The following SETBP1 variants were observed in gnomAD, a reference collection of about 807,000 sequenced individuals.
The protein encoded by SETBP1 is SET-binding protein.
In SETBP1, 9 loss-of-function variants were observed where a neutral mutation model predicts 101.0. That is an observed-to-expected ratio of 0.09 (90% CI 0.05 to 0.16). The LOEUF (loss-of-function observed/expected upper bound fraction) is 0.16, where lower values mean the gene tolerates loss of function less well. Ranked by LOEUF, SETBP1 falls within the 10% of genes least tolerant of loss-of-function variation. The pLI is 1.00. For synonymous variants in SETBP1, 818 were observed against 788.5 expected, an observed-to-expected ratio of 1.04 and a Z score of -0.63; for missense variants, 1,858 against 2,033.8, an observed-to-expected ratio of 0.91 and a Z score of 1.66.
intron 2 of SETBP1, among the ~76,000 whole-genome samples, chr18:44,783,966 C>G (rs987166656): frequency 1.3e-5 from 2 of 152,188 alleles, no homozygotes; most frequent in East Asian, 1.9e-4. Context: ...AAGTGGGAAG[C>G]CTTGCTTCCA....
chr18:45,055,586 A>G, intron 5 of SETBP1, among the ~76,000 whole-genome samples: 1 of 152,166 alleles, frequency 6.6e-6, no homozygotes, highest in East Asian at 1.9e-4. Context: ...TGTGATAAGT[A>G]ATTTAAAGTT....
chr18:44,807,954 G>A (rs2071782566), intron 2 of SETBP1, among the ~76,000 whole-genome samples: 1 of 152,164 alleles, frequency 6.6e-6, no homozygotes, highest in Non-Finnish European at 1.5e-5. Flanking sequence ...TTTACCCTCA[G>A]GGTCAACAAA....
chr18:44,894,096 A>G (rs915425451), intron 3 of SETBP1, among the ~76,000 whole-genome samples: 3 of 152,164 alleles, frequency 2.0e-5, no homozygotes, highest in Non-Finnish European at 4.4e-5. Context: ...GGCTGAAATA[A>G]AAAACAAAAA....
chr18:44,731,691 A>T (rs1415833419), intron 2 of SETBP1, among the ~76,000 whole-genome samples: 1 of 152,068 alleles, frequency 6.6e-6, no homozygotes, highest in African/African-American at 2.4e-5. Flanking sequence ...TATATGCTCC[A>T]TAACCTGAAG....
Position 44,951,893 on chromosome 18 carries a change from C to A in SETBP1, c.2553C>A (p.Ile851=). 1 of 1,614,076 alleles carries A rather than the reference C, an allele frequency of 6.2e-7. No homozygotes were observed. The change falls in exon 4 of 6, where the codon ATC becomes ATA. Residue 851 remains isoleucine, a synonymous_variant. Transcript: ENST00000649279. This position sits in a 1 kb window ranked among gnomAD's most constrained non-coding sequence, Gnocchi z 7.8. ...HLCEIGSLKE[I]TLSPVSESHS... ...GCGAGATTGGCTCCCTAAAGGAAAT[C>A]ACGCTGTCCCCTGTGAGCGAGTCCC...
At chr18:44,739,859 C>T (rs2070058162) in intron 2 of SETBP1, among the ~76,000 whole-genome samples, 1 of 152,182 alleles carries the variant, frequency 6.6e-6, no homozygotes, top group Admixed American at 6.5e-5. Flanking sequence ...CAAGGAGTTG[C>T]AGGATCATAC....
intron 4 of SETBP1, among the ~76,000 whole-genome samples, chr18:44,957,006 A>C (rs1292213625): frequency 2.0e-5 from 3 of 152,120 alleles, no homozygotes; most frequent in Non-Finnish European, 4.4e-5. Flanking sequence ...AATGCATACC[A>C]TCTGCTAAAT....
At chr18:44,895,704 T>C (rs1408180259) in intron 3 of SETBP1, among the ~76,000 whole-genome samples, 1 of 152,148 alleles carries the variant, frequency 6.6e-6, no homozygotes, top group Non-Finnish European at 1.5e-5. Context: ...TTCTTCCCAC[T>C]GGACAGGTGG....
chr18:44,819,007 T>C (rs2072046562), intron 2 of SETBP1, among the ~76,000 whole-genome samples: 3 of 151,886 alleles, frequency 2.0e-5, no homozygotes, highest in Admixed American at 2.0e-4. Context: ...TGTGTGTGTG[T>C]GTATACACAC....
chr18:44,991,176 G>C (rs904352940), intron 4 of SETBP1, among the ~76,000 whole-genome samples: 1 of 145,496 alleles, frequency 6.9e-6, no homozygotes, highest in African/African-American at 2.5e-5. Flanking sequence ...CCAGGAGGTG[G>C]AAGTTGCAGT....
chr18:44,885,658 A>G (rs926773147), intron 3 of SETBP1, among the ~76,000 whole-genome samples: 1 of 151,914 alleles, frequency 6.6e-6, no homozygotes, highest in African/African-American at 2.4e-5. Context: ...ATTGTTGAAC[A>G]GCTGTAACCT....
At chr18:44,977,784 C>A (rs1184802854) in intron 4 of SETBP1, among the ~76,000 whole-genome samples, 1 of 152,178 alleles carries the variant, frequency 6.6e-6, no homozygotes, top group African/African-American at 2.4e-5. Flanking sequence ...GTCTGACCCA[C>A]CTGAGAGGAG....
chr18:45,032,127 G>A lies in SETBP1; in HGVS notation c.4001-6358G>A, dbSNP rs771578028. On this transcript the variant is annotated intron_variant, in intron 4 of 5. Coordinates refer to ENST00000649279, the MANE Select transcript of SETBP1 (RefSeq NM_015559.3). ...CCTGAGTGGATGGTTGACTCTGTTCGGAAAGGACTCAAGTTCCTGAGGCCT... is the reference window on the plus strand; with the variant it reads ...CCTGAGTGGATGGTTGACTCTGTTCAGAAAGGACTCAAGTTCCTGAGGCCT... 2.1e-4 allele frequency among the ~76,000 whole-genome samples: 32 copies of A among 152,056 alleles called. 2 individuals are homozygous for A. The highest frequency in any genetic ancestry group is 1.4e-3 in the Admixed American group (21 of 15,254).
In SETBP1 at chr18:45,038,626, T is replaced by G. The variant is rs1360061608; in HGVS notation, c.4142T>G (p.Leu1381Arg). 1 of 1,614,174 alleles carries G rather than the reference T, an allele frequency of 6.2e-7. No homozygotes were observed. Among genetic ancestry groups the G allele is most frequent in the Non-Finnish European group, 8.5e-7 (1 of 1,180,006 alleles). Residue 1381 changes from leucine to arginine, a missense_variant, in exon 5 of 6, where the codon CTT (leucine) becomes CGT (arginine). Physicochemically the swap from Leu to Arg is moderately radical, Grantham distance 102. Coordinates refer to ENST00000649279, the MANE Select transcript of SETBP1 (RefSeq NM_015559.3). ...TIPPAPVLSL[L>R]AASAATSDAV... ...CCACCAGCCCCAGTGTTATCTCTCC[T>G]TGCTGCATCTGCAGCAACGTCGGAT...
chr18:44,902,035 C>T (rs2070059070), intron 3 of SETBP1, among the ~76,000 whole-genome samples: 2 of 152,152 alleles, frequency 1.3e-5, no homozygotes, highest in Non-Finnish European at 2.9e-5. Context: ...CCAGTAGCCA[C>T]ATGTGGCTAT....
intron 2 of SETBP1, among the ~76,000 whole-genome samples, chr18:44,790,904 G>C (rs2071357825): frequency 6.6e-6 from 1 of 152,142 alleles, no homozygotes; most frequent in Non-Finnish European, 1.5e-5. Context: ...ACAAAACCTA[G>C]ATAAACTATG....
chr18:44,959,326 A>C (rs1165500672), intron 4 of SETBP1, among the ~76,000 whole-genome samples: 1 of 152,212 alleles, frequency 6.6e-6, no homozygotes, highest in Non-Finnish European at 1.5e-5. Context: ...CCAGAAAACC[A>C]TCTCCTTACT....
chr18:45,026,059 G>A (rs12971067), intron 4 of SETBP1, among the ~76,000 whole-genome samples: 3 of 152,008 alleles, frequency 2.0e-5, no homozygotes, highest in Non-Finnish European at 4.4e-5. Context: ...TGTGCTCTGC[G>A]ACTATGTGCT....
At chr18:44,682,600 C>T (rs1230212193) in intron 1 of SETBP1, among the ~76,000 whole-genome samples, 1 of 152,122 alleles carries the variant, frequency 6.6e-6, no homozygotes, top group Non-Finnish European at 1.5e-5. Flanking sequence ...CTGTGTTTTC[C>T]CCTGTGCTTA....
Sources: allele counts gnomAD v4.1 joint callset (sites outside exome capture counted in the v4.1 genomes callset), GRCh38; gene constraint gnomAD v4.1.1; non-coding constraint Gnocchi (gnomAD v3.1); transcripts MANE v1.5; gene names NCBI Gene and HGNC (gene_info 2026-07-23, HGNC 2026-07-21).